The following ARNT variants were observed in gnomAD, a reference collection of about 807,000 sequenced individuals.
ARNT encodes aryl hydrocarbon receptor nuclear translocator, also known as class E basic helix-loop-helix protein 2.
A neutral mutation model predicts 105.0 loss-of-function variants in ARNT; 30 were observed. The observed-to-expected ratio is 0.29, with a 90% CI of 0.21 to 0.39. ARNT has a LOEUF of 0.39. Among genes scored for constraint, ARNT ranks in the 10% least tolerant of loss-of-function variants. The pLI, the probability that ARNT is intolerant of heterozygous loss-of-function variation, is 1.00. For synonymous variants in ARNT, 304 were observed against 344.0 expected, an observed-to-expected ratio of 0.88 and a Z score of 1.29; for missense variants, 748 against 978.7, an observed-to-expected ratio of 0.76 and a Z score of 3.15.
chr1:150,831,913 T>C lies in ARNT; in HGVS notation c.870-10A>G. 3 of 1,529,114 alleles carry C rather than the reference T, an allele frequency of 2.0e-6. No homozygotes were observed. The highest frequency in any genetic ancestry group is 2.3e-5 in the East Asian group (1 of 43,514). The allele number at this position is 1,529,114 out of a possible 1,614,324, so 94.7% of individuals were successfully genotyped here. ...AGAGCCAAGTCCATTCCTAGAAGAG[T>C]TACAGGAGTTTGAAAAAAAAAAAAA... On this transcript the variant is annotated splice_polypyrimidine_tract_variant and intron_variant, in intron 9 of 21. Transcript: ENST00000358595.
At chr1:150,871,521 GAACTCCTGACC>G (rs1250873485) in intron 1 of ARNT, among the ~76,000 whole-genome samples, 1 of 148,950 alleles carries the variant, frequency 6.7e-6, no homozygotes, top group Non-Finnish European at 1.5e-5. Flanking sequence ...GGCTGGTCTT[GAACTCCTGACC>G]TCAGGTGATC....
At chr1:150,818,999 A>C (rs1013049273) in intron 14 of ARNT, among the ~76,000 whole-genome samples, 2 of 152,166 alleles carry the variant, frequency 1.3e-5, no homozygotes, top group Non-Finnish European at 2.9e-5. Flanking sequence ...AGTTAATAAA[A>C]ATTTCTAACT....
At chr1:150,867,815 A>C (rs940860508) in intron 1 of ARNT, among the ~76,000 whole-genome samples, 1 of 151,964 alleles carries the variant, frequency 6.6e-6, no homozygotes, top group African/African-American at 2.4e-5. Flanking sequence ...TGGTTGTTTG[A>C]AAGTGTGTAG....
chr1:150,824,573 C>T (rs1398281764), intron 13 of ARNT, among the ~76,000 whole-genome samples: 2 of 151,364 alleles, frequency 1.3e-5, no homozygotes, highest in Non-Finnish European at 2.9e-5. Flanking sequence ...CCTGCCTCAG[C>T]CTCCTGAGTA....
intron 21 of ARNT, 48 bp downstream of exon 21, chr1:150,813,124 C>A (rs1434523484): frequency 1.9e-6 from 3 of 1,587,520 alleles, no homozygotes; most frequent in Admixed American, 3.4e-5. Context: ...CCTCCTGGAC[C>A]CTTTCTCTCC....
chr1:150,840,687 AGAG>A (rs1305376125), intron 5 of ARNT, among the ~76,000 whole-genome samples: 1 of 152,216 alleles, frequency 6.6e-6, no homozygotes, highest in Non-Finnish European at 1.5e-5. Flanking sequence ...AGTGGAATGG[AGAG>A]GAGGATGATT....
At chr1:150,833,456 C>T (rs1488728345) in intron 8 of ARNT, among the ~76,000 whole-genome samples, 2 of 152,140 alleles carry the variant, frequency 1.3e-5, no homozygotes, top group African/African-American at 4.8e-5. Flanking sequence ...CATGCCACTG[C>T]ACTCCAGCCT....
At chr1:150,869,664 C>G (rs1357385613) in intron 1 of ARNT, among the ~76,000 whole-genome samples, 2 of 151,268 alleles carry the variant, frequency 1.3e-5, no homozygotes, top group African/African-American at 4.9e-5. Context: ...CCCACCACCT[C>G]AGCCTCCCAA....
chr1:150,827,584 A>T (rs1658526221), intron 12 of ARNT, among the ~76,000 whole-genome samples: 1 of 152,176 alleles, frequency 6.6e-6, no homozygotes, highest in African/African-American at 2.4e-5. Flanking sequence ...ATGTTAATGG[A>T]CGTTTAAATA....
At chr1:150,837,507 G>A (rs10305690) in intron 6 of ARNT, among the ~76,000 whole-genome samples, 136 of 152,142 alleles carry the variant, frequency 8.9e-4, no homozygotes, top group African/African-American at 3.0e-3. Flanking sequence ...TGACAATGTC[G>A]TCCATCTTAT....
intron 10 of ARNT, 163 bp from the exon 11 acceptor site, chr1:150,830,143 G>T: frequency 1.5e-6 from 1 of 673,356 alleles, no homozygotes; most frequent in Non-Finnish European, 2.5e-6. Flanking sequence ...CGGATCACTT[G>T]AGGACCAGCC....
rs1665181750 is a variant in ARNT at position 150,859,314 on chromosome 1, C to T, written c.26-854G>A. On this transcript the variant is annotated intron_variant, in intron 1 of 21. Transcript: ENST00000358595. ...TCTCCTTCCAATTCAATCTCATCCC[C>T]CAGCAGTAACCATTAGTAACAGCTG... is the stretch of plus-strand genomic sequence containing the variant. Among the ~76,000 whole-genome samples the T allele has an allele frequency of 2.6e-5, 4 of 151,704 alleles. No homozygotes were observed. In the South Asian group the frequency reaches 8.4e-4, roughly 32 times the overall value.
chr1:150,834,150 A>G lies in ARNT; in HGVS notation c.803+388T>C, dbSNP rs587660223. ...GAGATGGGGTTTCACCATGTTGGCC[A>G]GGCTGGTCTCAAACTCCTGACCTCA... On this transcript the variant is annotated intron_variant, in intron 8 of 21. Transcript: ENST00000358595. Among the ~76,000 whole-genome samples, 132 of 152,128 alleles carry G rather than the reference A, an allele frequency of 8.7e-4. 1 individual carries two copies. In the South Asian group the frequency reaches 0.026, roughly 30 times the overall value.
In ARNT at chr1:150,864,775, A is replaced by T. The variant is rs1255459066; in HGVS notation, c.26-6315T>A. The stretch of plus-strand genomic sequence containing the variant: ...CTTAAAGTATAATAAAAAATAAATA[A>T]ATAAATAAATAAATAAATAAAAGAA... On this transcript the variant is annotated intron_variant, in intron 1 of 21. Transcript: ENST00000358595. Among the ~76,000 whole-genome samples the T allele has an allele frequency of 4.8e-5, 7 of 147,194 alleles. 1 individual carries two copies. Among genetic ancestry groups the T allele is most frequent in the Admixed American group, 6.8e-5 (1 of 14,766 alleles).
intron 4 of ARNT, among the ~76,000 whole-genome samples, chr1:150,844,422 A>C (rs1661801952): frequency 3.3e-5 from 5 of 152,134 alleles, no homozygotes; most frequent in Admixed American, 3.3e-4. Context: ...AATACCCTCT[A>C]ATTCAAAGCC....
chr1:150,830,842 T>C (rs1289810850), intron 10 of ARNT, among the ~76,000 whole-genome samples: 1 of 152,232 alleles, frequency 6.6e-6, no homozygotes, highest in Non-Finnish European at 1.5e-5. Context: ...TGATGCTACA[T>C]AGAGGTATGA....
intron 6 of ARNT, among the ~76,000 whole-genome samples, chr1:150,836,887 A>C (rs1343113897): frequency 6.6e-6 from 1 of 151,992 alleles, no homozygotes. Context: ...CAAACAAACA[A>C]AACAAAACAA....
At position 150,869,528 on chromosome 1, in the gene ARNT, T is replaced by G. The variant is rs12037369; in HGVS notation, c.25+7015A>C. ...GAATTATAGAATGTTACAGAAAAGA[T>G]TTTAGGAAACTACTCCTTTTTTTTT... On this transcript the variant is annotated intron_variant, in intron 1 of 21. Transcript: ENST00000358595. Among the ~76,000 whole-genome samples, 179 of 151,588 alleles carry G rather than the reference T, an allele frequency of 1.2e-3. 1 individual carries two copies. The East Asian group carries it at 0.018, about 15-fold the overall frequency.
chr1:150,839,615 C>T lies in ARNT; in HGVS notation c.312G>A (p.Lys104=). ...ACAGTTCTGTGATGTAGGCTGTCAT[C>T]TTGTTCCGTCGCCGCCGTTCAATTT... is the stretch of plus-strand genomic sequence containing the variant. ...HSEIERRRRN[K]MTAYITELSD... is the part of the protein sequence containing the mutation. Residue 104 remains lysine, a synonymous_variant, in exon 6 of 22, where the codon AAG becomes AAA. Coordinates refer to ENST00000358595, the MANE Select transcript of ARNT (RefSeq NM_001668.4). 1.2e-6 allele frequency: 2 copies of T among 1,614,152 alleles called. No homozygotes were observed. Among genetic ancestry groups the T allele is most frequent in the Middle Eastern group, 1.6e-4 (1 of 6,062 alleles).
Sources: allele counts gnomAD v4.1 joint callset (sites outside exome capture counted in the v4.1 genomes callset), GRCh38; gene constraint gnomAD v4.1.1; transcripts MANE v1.5; gene names NCBI Gene and HGNC (gene_info 2026-07-23, HGNC 2026-07-21).